Variants in SEM1 observed in about 807,000 individuals in gnomAD.
The protein encoded by SEM1 is SEM1 26S proteasome subunit, also known as 26S proteasome complex subunit SEM1.
In SEM1, 3 loss-of-function variants were observed where a neutral mutation model predicts 12.7. That is an observed-to-expected ratio of 0.24 (90% CI 0.11 to 0.61). SEM1 has a LOEUF of 0.61. Among genes scored for constraint, SEM1 ranks in the 20% least tolerant of loss-of-function variants. The pLI is 0.88. For missense variants in SEM1, 59 were observed against 81.3 expected, an observed-to-expected ratio of 0.73 and a Z score of 1.06; for synonymous variants, 30 against 27.8, an observed-to-expected ratio of 1.08 and a Z score of -0.25.
chr7:96,528,317 C>T (rs1804535492), intron 2 of SEM1, among the ~76,000 whole-genome samples: 1 of 152,112 alleles, frequency 6.6e-6, no homozygotes, highest in African/African-American at 2.4e-5. Flanking sequence ...CATCAGCCTC[C>T]CAAGTATCTG....
chr7:96,585,747 C>T (rs542036452), intron 2 of SEM1, among the ~76,000 whole-genome samples: 47 of 151,902 alleles, frequency 3.1e-4, no homozygotes, highest in African/African-American at 1.1e-3. Context: ...CTGTCTGTCA[C>T]CCCTTTCTTT....
chr7:96,500,740 A>T (rs929134571), upstream of SEM1, among the ~76,000 whole-genome samples: 2 of 152,066 alleles, frequency 1.3e-5, no homozygotes, highest in Admixed American at 6.6e-5. Flanking sequence ...GCACTTCATG[A>T]TTATCTTTGC....
chr7:96,540,576 C>T (rs1804913972), intron 2 of SEM1, among the ~76,000 whole-genome samples: 1 of 151,606 alleles, frequency 6.6e-6, no homozygotes, highest in Non-Finnish European at 1.5e-5. Context: ...TATAAAGATA[C>T]CTTTGTAAAT....
At chr7:96,577,864 A>G (rs1806256453) in intron 2 of SEM1, among the ~76,000 whole-genome samples, 1 of 152,074 alleles carries the variant, frequency 6.6e-6, no homozygotes, top group Non-Finnish European at 1.5e-5. Context: ...TGAAAGGAAA[A>G]AAAAAACACC....
chr7:96,554,680 G>A (rs1004246420), intron 2 of SEM1, among the ~76,000 whole-genome samples: 9 of 151,272 alleles, frequency 5.9e-5, no homozygotes, highest in Non-Finnish European at 7.4e-5. Flanking sequence ...GTCTCTGCCC[G>A]GCTTTGGTAT....
At chr7:96,513,611 T>C (rs908217663) in intron 2 of SEM1, among the ~76,000 whole-genome samples, 4 of 152,008 alleles carry the variant, frequency 2.6e-5, no homozygotes, top group African/African-American at 9.7e-5. Flanking sequence ...GGCAGATCAC[T>C]TGAGGTCAGG....
intron 2 of SEM1, among the ~76,000 whole-genome samples, chr7:96,604,087 T>C (rs1334023539): frequency 6.6e-6 from 1 of 152,104 alleles, no homozygotes; most frequent in Non-Finnish European, 1.5e-5. Context: ...AATCAAGACA[T>C]GAGCAAAGAA....
intron 2 of SEM1, among the ~76,000 whole-genome samples, chr7:96,597,339 G>A (rs905988348): frequency 5.9e-5 from 9 of 152,102 alleles, no homozygotes; most frequent in African/African-American, 2.2e-4. Context: ...AGATTTATAT[G>A]GAACTTGGAA....
At chr7:96,519,185 G>C (rs1476474662) in intron 2 of SEM1, among the ~76,000 whole-genome samples, 2 of 152,158 alleles carry the variant, frequency 1.3e-5, no homozygotes, top group Non-Finnish European at 2.9e-5. Context: ...GACTGGCAGA[G>C]AGGAATGGGA....
intron 2 of SEM1, among the ~76,000 whole-genome samples, chr7:96,602,738 C>T (rs1807231668): frequency 6.6e-6 from 1 of 152,300 alleles, no homozygotes; most frequent in Admixed American, 6.5e-5. Context: ...AATAAGGGGA[C>T]AGATGGTACT....
chr7:96,517,116 G>A (rs997093350), intron 2 of SEM1, among the ~76,000 whole-genome samples: 3 of 152,110 alleles, frequency 2.0e-5, no homozygotes, highest in Non-Finnish European at 4.4e-5. Flanking sequence ...TTAGGGAAGT[G>A]AAAATACTCT....
intron 2 of SEM1, among the ~76,000 whole-genome samples, chr7:96,652,752 T>C (rs935668720): frequency 6.6e-6 from 1 of 152,210 alleles, no homozygotes; most frequent in African/African-American, 2.4e-5. Flanking sequence ...GAATGTGAAA[T>C]GAAAAGTTAA....
chr7:96,549,724 T>A (rs1805207950), intron 2 of SEM1, among the ~76,000 whole-genome samples: 1 of 152,174 alleles, frequency 6.6e-6, no homozygotes, highest in Non-Finnish European at 1.5e-5. Flanking sequence ...TATTTCCAGA[T>A]ATAATTTGAC....
At chr7:96,578,194 C>A (rs1048823280) in intron 2 of SEM1, among the ~76,000 whole-genome samples, 1 of 150,234 alleles carries the variant, frequency 6.7e-6, no homozygotes, top group Non-Finnish European at 1.5e-5. Flanking sequence ...GGGAAAGACA[C>A]AATTCAAAAT....
chr7:96,584,151 T>G (rs1475758211), intron 2 of SEM1, among the ~76,000 whole-genome samples: 1 of 152,188 alleles, frequency 6.6e-6, no homozygotes, highest in African/African-American at 2.4e-5. Context: ...GAGCTCTTTT[T>G]GGGTAGGCCT....
chr7:96,696,094 T>C (rs1253261293), intron 1 of SEM1: 1 of 151,868 alleles, frequency 6.6e-6, no homozygotes, highest in East Asian at 1.9e-4. Flanking sequence ...TTAAGAATGG[T>C]ACAATTTTTT....
chr7:96,611,777 C>T (rs1807547877), intron 2 of SEM1, among the ~76,000 whole-genome samples: 1 of 152,144 alleles, frequency 6.6e-6, no homozygotes, highest in African/African-American at 2.4e-5. Flanking sequence ...TCATGAACAA[C>T]TCCTAACAGT....
rs1584746605 is a variant in SEM1, at chr7:96,537,918, ATAT to A, written c.171-31223_171-31221del. ...TGCTTCTGGTATTCCAATTATGGAGATATTATGCCTTTTGAAATTTTCCCACAT... is the reference window on the plus strand; with the variant it reads ...TGCTTCTGGTATTCCAATTATGGAGATATGCCTTTTGAAATTTTCCCACAT... On this transcript the variant is annotated intron_variant and NMD_transcript_variant, in intron 2 of 3. Coordinates refer to the SEM1 transcript ENST00000466986. 5.9e-5 allele frequency among the ~76,000 whole-genome samples: 9 copies of A among 151,586 alleles called. No individual in the cohort carries two copies. In the South Asian group the frequency reaches 1.9e-3, roughly 31 times the overall value.
At chr7:96,626,833 T>C (rs1280902787) in intron 2 of SEM1, among the ~76,000 whole-genome samples, 2 of 152,144 alleles carry the variant, frequency 1.3e-5, no homozygotes, top group Admixed American at 1.3e-4. Flanking sequence ...TTCTCTTCTA[T>C]TTTTCATAAT....
Sources: gnomAD v4.1 joint callset for allele counts (sites outside exome capture counted in the v4.1 genomes callset) on GRCh38, gnomAD v4.1.1 for gene constraint, MANE v1.5 for transcripts, NCBI Gene and HGNC (gene_info 2026-07-23, HGNC 2026-07-21) for gene names.